Variants in GLRA1 observed in about 807,000 individuals in gnomAD.
The protein encoded by GLRA1 is glycine receptor alpha 1, also known as glycine receptor subunit alpha-1.
In GLRA1, 37 loss-of-function variants were observed where a neutral mutation model predicts 48.3. The observed-to-expected ratio is 0.77, with a 90% confidence interval of 0.59 to 1.01. GLRA1 has a LOEUF of 1.01. GLRA1 is among the 50% of genes least tolerant of loss of function. The pLI, the probability that GLRA1 is intolerant of heterozygous loss-of-function variation, is 0.00. For missense variants in GLRA1, 427 were observed against 571.0 expected, an observed-to-expected ratio of 0.75 and a Z score of 2.57; for synonymous variants, 196 against 210.7, an observed-to-expected ratio of 0.93 and a Z score of 0.60.
Position 151,881,952 on chromosome 5 carries a change from C to T in GLRA1, c.252+4769G>A, listed in dbSNP as rs74672057. On this transcript the variant is annotated intron_variant, in intron 3 of 8. Coordinates refer to ENST00000274576, the MANE Select transcript of GLRA1 (RefSeq NM_000171.4). ...GAAACCCGGACTATGTCCATATTAC[C>T]TTGGACCCATGGTGCACAACTAGCT... 3.9e-5 allele frequency among the ~76,000 whole-genome samples: 6 copies of T among 152,282 alleles called. No homozygotes were observed. The East Asian group carries it at 1.2e-3, about 29-fold the overall frequency.
At chr5:151,887,242 T>A (rs1420606288) in intron 2 of GLRA1, among the ~76,000 whole-genome samples, 1 of 152,196 alleles carries the variant, frequency 6.6e-6, no homozygotes, top group Non-Finnish European at 1.5e-5. Flanking sequence ...TGATGGGAAT[T>A]ACCAGCTGAG....
intron 4 of GLRA1, among the ~76,000 whole-genome samples, chr5:151,856,785 G>T (rs531851359): frequency 6.6e-6 from 1 of 152,090 alleles, no homozygotes; most frequent in Non-Finnish European, 1.5e-5. Context: ...GTCTCCAAAA[G>T]TGCTGGGATT....
chr5:151,871,069 A>T (rs545687912), intron 3 of GLRA1, among the ~76,000 whole-genome samples: 2 of 149,428 alleles, frequency 1.3e-5, no homozygotes, highest in African/African-American at 5.1e-5. Flanking sequence ...GTACTGGGAG[A>T]GAATCATCCA....
At chr5:151,881,398 C>A (rs891785287) in intron 3 of GLRA1, among the ~76,000 whole-genome samples, 1 of 150,596 alleles carries the variant, frequency 6.6e-6, no homozygotes, top group South Asian at 2.1e-4. Context: ...CAGCTCACTG[C>A]AGCCTTGACC....
chr5:151,911,682 T>C (rs920774653), intron 1 of GLRA1, among the ~76,000 whole-genome samples: 2 of 140,910 alleles, frequency 1.4e-5, no homozygotes, highest in African/African-American at 2.7e-5. Context: ...CTCTGCTCAA[T>C]GCAAGCTCCA....
chr5:151,916,283 G>A (rs1366565502), intron 1 of GLRA1, among the ~76,000 whole-genome samples: 3 of 152,178 alleles, frequency 2.0e-5, no homozygotes, highest in African/African-American at 7.2e-5. Context: ...CAGCTTATAT[G>A]AGATCATGGA....
At chr5:151,919,432 A>G (rs1309350902) in intron 1 of GLRA1, among the ~76,000 whole-genome samples, 2 of 152,196 alleles carry the variant, frequency 1.3e-5, no homozygotes, top group Admixed American at 1.3e-4. Context: ...AACATTTCCC[A>G]CAGAAACTGA....
chr5:151,843,701 T>C (rs62394144), intron 7 of GLRA1, among the ~76,000 whole-genome samples: 61,933 of 152,034 alleles, frequency 0.41, 12,758 homozygotes, highest in South Asian at 0.46. Flanking sequence ...ATCAAAACGG[T>C]GTGGTACTGA....
intron 8 of GLRA1, among the ~76,000 whole-genome samples, chr5:151,823,918 C>T (rs750008412): frequency 1.3e-4 from 19 of 151,926 alleles, no homozygotes; most frequent in Non-Finnish European, 2.1e-4. Flanking sequence ...GCTTTGTTAT[C>T]GTTGCATGTG....
At chr5:151,915,168 G>A (rs1754707674) in intron 1 of GLRA1, among the ~76,000 whole-genome samples, 1 of 152,140 alleles carries the variant, frequency 6.6e-6, no homozygotes, top group Non-Finnish European at 1.5e-5. Flanking sequence ...TTATGAGGTA[G>A]GGTATATGAT....
At chr5:151,883,204 T>C (rs1753802578) in intron 3 of GLRA1, among the ~76,000 whole-genome samples, 1 of 152,204 alleles carries the variant, frequency 6.6e-6, no homozygotes, top group Non-Finnish European at 1.5e-5. Context: ...GTCGGAAGAT[T>C]ATTTCTTTCT....
chr5:151,909,912 T>C (rs1391425830), intron 1 of GLRA1, among the ~76,000 whole-genome samples: 1 of 152,040 alleles, frequency 6.6e-6, no homozygotes, highest in Non-Finnish European at 1.5e-5. Context: ...TTTTTTGTCA[T>C]GAGTAGGAGT....
Position 151,824,766 on chromosome 5 carries a change from A to G in GLRA1, c.1060-1803T>C, listed in dbSNP as rs539076629. On this transcript the variant is annotated intron_variant, in intron 8 of 8. Transcript: ENST00000274576. ...TTTTTTAAAGCTCTTATCACATTGTATGGTAATTTCTTGATTAGCGTCTGT... is the reference window on the plus strand; with the variant it reads ...TTTTTTAAAGCTCTTATCACATTGTGTGGTAATTTCTTGATTAGCGTCTGT... Among the ~76,000 whole-genome samples, 18 of 152,158 alleles carry G rather than the reference A, an allele frequency of 1.2e-4. No individual in the cohort carries two copies. The South Asian group carries it at 3.7e-3, about 32-fold the overall frequency.
chr5:151,860,137 T>G, intron 3 of GLRA1, 129 bp from the exon 4 acceptor site: 1 of 719,980 alleles, frequency 1.4e-6, no homozygotes. Context: ...GCATCTTATA[T>G]GGGGGTGAGA....
At chr5:151,842,621 G>A (rs1763739804) in intron 7 of GLRA1, among the ~76,000 whole-genome samples, 1 of 152,180 alleles carries the variant, frequency 6.6e-6, no homozygotes, top group Admixed American at 6.5e-5. Context: ...GGGCATCTAT[G>A]TAAAACCCAC....
intron 4 of GLRA1, among the ~76,000 whole-genome samples, chr5:151,859,098 T>C (rs1016287107): frequency 9.2e-5 from 14 of 152,204 alleles, no homozygotes; most frequent in Admixed American, 2.0e-4. Flanking sequence ...ATATAACACA[T>C]GAAAAGTACC....
intron 3 of GLRA1, among the ~76,000 whole-genome samples, chr5:151,869,673 C>T (rs1339955181): frequency 6.7e-6 from 1 of 149,708 alleles, no homozygotes; most frequent in African/African-American, 2.6e-5. Context: ...TGAGATTGTG[C>T]TACTGCACTC....
chr5:151,915,406 A>G (rs1754714756), intron 1 of GLRA1, among the ~76,000 whole-genome samples: 1 of 152,184 alleles, frequency 6.6e-6, no homozygotes, highest in African/African-American at 2.4e-5. Flanking sequence ...TTGGAGAAAT[A>G]CCACATGTTT....
chr5:151,887,587 A>G (rs1753942413), intron 2 of GLRA1, among the ~76,000 whole-genome samples: 1 of 152,186 alleles, frequency 6.6e-6, no homozygotes, highest in Admixed American at 6.5e-5. Flanking sequence ...CAGAGAAGCT[A>G]TTTGTTCATG....
Sources: allele counts gnomAD v4.1 joint callset (sites outside exome capture counted in the v4.1 genomes callset), GRCh38; gene constraint gnomAD v4.1.1; transcripts MANE v1.5; gene names NCBI Gene and HGNC (gene_info 2026-07-23, HGNC 2026-07-21).